ANO6: variants seen among roughly 807,000 people sequenced by gnomAD.
The protein encoded by ANO6 is anoctamin-6.
A neutral mutation model predicts 117.5 loss-of-function variants in ANO6; 106 were observed. The observed-to-expected ratio is 0.90, with a 90% CI of 0.77 to 1.06. The LOEUF (loss-of-function observed/expected upper bound fraction) is 1.06, where lower values mean the gene tolerates loss of function less well. Ranked by LOEUF, ANO6 falls within the 50% of genes least tolerant of loss-of-function variation. The probability of loss-of-function intolerance (pLI) is 0.00; values close to 1 mark genes in which losing one functional copy is unlikely to be tolerated. For synonymous variants in ANO6, 367 were observed against 385.1 expected (o/e 0.95, Z 0.55); for missense variants, 955 against 1,121.1 (o/e 0.85, Z 2.12).
intron 14 of ANO6, 27 bp downstream of exon 14, chr12:45,403,268 G>T: frequency 6.2e-7 from 1 of 1,607,686 alleles, no homozygotes; most frequent in Non-Finnish European, 8.5e-7. Context: ...GTATTATCTT[G>T]CCAGTTTAAG....
chr12:45,224,095 C>T (rs1356578821), intron 1 of ANO6, among the ~76,000 whole-genome samples: 1 of 152,110 alleles, frequency 6.6e-6, no homozygotes, highest in African/African-American at 2.4e-5. Context: ...AGAAAGGAAA[C>T]GGATAATTTC....
In ANO6 at chr12:45,429,781, G is replaced by T; in HGVS notation, c.*470G>T. 1.0e-6 allele frequency: 1 copy of T among 998,594 alleles called. No homozygotes were observed. The highest frequency in any genetic ancestry group is 4.3e-5 in the South Asian group (1 of 23,074). The allele number at this position is 998,594 out of a possible 1,614,324, so 61.9% of individuals were successfully genotyped here. On this transcript the variant is annotated 3_prime_UTR_variant, in exon 20 of 20. Transcript: ENST00000320560. ...ATAGATTTAATTTAATAGCTTTCAT[G>T]TGATTAAAAATAGCTAACTAGACTC...
intron 1 of ANO6, among the ~76,000 whole-genome samples, chr12:45,216,619 T>C (rs1947317446): frequency 6.6e-6 from 1 of 152,146 alleles, no homozygotes; most frequent in South Asian, 2.1e-4. Context: ...GAGGACAGGC[T>C]CCTGACGGGC....
chr12:45,295,627 T>G (rs1939265058), intron 1 of ANO6, among the ~76,000 whole-genome samples: 1 of 151,994 alleles, frequency 6.6e-6, no homozygotes, highest in Non-Finnish European at 1.5e-5. Context: ...AGGGGCCCAA[T>G]TTCGGCTCAC....
intron 9 of ANO6, among the ~76,000 whole-genome samples, chr12:45,373,798 A>C (rs1941919223): frequency 1.3e-5 from 2 of 152,200 alleles, no homozygotes; most frequent in African/African-American, 4.8e-5. Context: ...CACAATTAAA[A>C]GAACTGGAAA....
At chr12:45,372,545 G>A (rs1941874898) in intron 9 of ANO6, among the ~76,000 whole-genome samples, 2 of 141,952 alleles carry the variant, frequency 1.4e-5, no homozygotes, top group African/African-American at 5.4e-5. Flanking sequence ...GAAGAGAGTG[G>A]GGGCCAATAT....
In ANO6 at chr12:45,262,264, C is replaced by T. The variant is rs190894833; in HGVS notation, c.71-39750C>T. ...AGACCTATGGTATCCTGCCTTTTCA[C>T]TTAACTTGCCTCATAAGCACTCTCT... is the stretch of plus-strand genomic sequence containing the variant. On this transcript the variant is annotated intron_variant, in intron 1 of 19. Transcript: ENST00000320560. 1.8e-4 allele frequency among the ~76,000 whole-genome samples: 27 copies of T among 152,300 alleles called. No homozygotes were observed. In the East Asian group the frequency reaches 4.6e-3, roughly 26 times the overall value.
At chr12:45,277,645 G>A (rs908249727) in intron 1 of ANO6, among the ~76,000 whole-genome samples, 4 of 152,096 alleles carry the variant, frequency 2.6e-5, no homozygotes, top group African/African-American at 9.7e-5. Flanking sequence ...TTAAACTTGC[G>A]GGTCTGACAA....
In ANO6 at chr12:45,403,472, A is replaced by G. The variant is rs1303263585; in HGVS notation, c.1816A>G (p.Thr606Ala). ...AGGTGGCTGTCTTCTTGAACTGACA[A>G]CTCAGCTGACAATAATCATGGGAGG... ...DPGGCLLELT[T>A]QLTIIMGGKA... Residue 606 changes from threonine to alanine, a missense_variant, in exon 15 of 20, where the codon ACT becomes GCT. Physicochemically the swap from Thr to Ala is moderately conservative, Grantham distance 58. Transcript: ENST00000320560. 1 of 1,613,930 alleles carries G rather than the reference A, an allele frequency of 6.2e-7. No individual in the cohort carries two copies. Among genetic ancestry groups the G allele is most frequent in the East Asian group, 2.2e-5 (1 of 44,868 alleles).
Position 45,429,621 on chromosome 12 carries a change from CT to C in ANO6, c.*318del, listed in dbSNP as rs757292871. The C allele has an allele frequency of 3.4e-6, 4 of 1,169,588 alleles. No homozygotes were observed. Among genetic ancestry groups the C allele is most frequent in the Non-Finnish European group, 3.2e-6 (3 of 940,644 alleles). 72.5% of individuals were successfully genotyped at this position (1,169,588 alleles called of 1,614,324 possible). ...CACCCCTTCTAAAGTAGAATGGATT[CT>C]TTTTTTTCTGTTTGATTATTTTCAT... On this transcript the variant is annotated 3_prime_UTR_variant, in exon 20 of 20. Coordinates refer to ENST00000320560, the MANE Select transcript of ANO6 (RefSeq NM_001025356.3).
chr12:45,237,499 G>T (rs1947664331), intron 1 of ANO6, among the ~76,000 whole-genome samples: 1 of 152,158 alleles, frequency 6.6e-6, no homozygotes, highest in Admixed American at 6.5e-5. Flanking sequence ...CCCATTTCTT[G>T]TTTTTGTCAA....
chr12:45,390,076 C>T (rs1027514560), intron 11 of ANO6, among the ~76,000 whole-genome samples: 1 of 152,184 alleles, frequency 6.6e-6, no homozygotes, highest in African/African-American at 2.4e-5. Flanking sequence ...CCTGCCTGTG[C>T]TCTGCGCTAT....
At chr12:45,378,889 A>G (rs1942100047) in intron 10 of ANO6, among the ~76,000 whole-genome samples, 1 of 152,202 alleles carries the variant, frequency 6.6e-6, no homozygotes, top group Admixed American at 6.5e-5. Context: ...AACAAACTCT[A>G]CTTACTAACT....
intron 2 of ANO6, among the ~76,000 whole-genome samples, chr12:45,305,804 C>G (rs1939649637): frequency 6.6e-6 from 1 of 152,202 alleles, no homozygotes; most frequent in South Asian, 2.1e-4. Flanking sequence ...CCCACACTTC[C>G]CTTAGTTTGC....
chr12:45,387,601 A>G (rs543073910), intron 10 of ANO6, among the ~76,000 whole-genome samples: 25 of 152,342 alleles, frequency 1.6e-4, no homozygotes, highest in Non-Finnish European at 3.2e-4. Context: ...AGTCTATTTC[A>G]TAATGTTGTA....
chr12:45,280,868 T>TTTTA (rs1555164637), intron 1 of ANO6, among the ~76,000 whole-genome samples: 1 of 145,468 alleles, frequency 6.9e-6, no homozygotes. Flanking sequence ...ATATGTGTTT[T>TTTTA]TATATATATA....
intron 1 of ANO6, among the ~76,000 whole-genome samples, chr12:45,240,812 C>T (rs964297925): frequency 6.6e-6 from 1 of 152,118 alleles, no homozygotes; most frequent in Admixed American, 6.5e-5. Context: ...ACTTATGAAG[C>T]TTAGTTTGGC....
chr12:45,258,554 T>C (rs1365508576), intron 1 of ANO6, among the ~76,000 whole-genome samples: 1 of 152,168 alleles, frequency 6.6e-6, no homozygotes, highest in African/African-American at 2.4e-5. Context: ...TCCTCACCTC[T>C]TACATGTGCC....
chr12:45,426,852 G>C (rs1943516101), intron 19 of ANO6, among the ~76,000 whole-genome samples: 2 of 151,836 alleles, frequency 1.3e-5, no homozygotes, highest in South Asian at 4.2e-4. Context: ...AATACCATCT[G>C]TATGCTAAAA....
Sources: gnomAD v4.1 joint callset for allele counts (sites outside exome capture counted in the v4.1 genomes callset) on GRCh38, gnomAD v4.1.1 for gene constraint, MANE v1.5 for transcripts, NCBI Gene and HGNC (gene_info 2026-07-23, HGNC 2026-07-21) for gene names.